The following EIF3H variants were observed in gnomAD, a reference collection of about 807,000 sequenced individuals.
EIF3H encodes the protein eIF-3-gamma.
EIF3H carries 26 observed loss-of-function variants against 44.2 expected under a neutral mutation model. The observed-to-expected ratio is 0.59, with a 90% CI of 0.43 to 0.82. EIF3H has a LOEUF of 0.82. EIF3H is among the 40% of genes least tolerant of loss of function. EIF3H has a pLI of 0.00. For missense variants in EIF3H, 359 were observed against 432.8 expected, an observed-to-expected ratio of 0.83 and a Z score of 1.51; for synonymous variants, 166 against 151.9, an observed-to-expected ratio of 1.09 and a Z score of -0.68.
intron 2 of EIF3H, among the ~76,000 whole-genome samples, chr8:116,719,438 G>A (rs1313785976): frequency 6.6e-6 from 1 of 152,054 alleles, no homozygotes; most frequent in African/African-American, 2.4e-5. Context: ...AGAGTGGAAA[G>A]GATAGAAGTA....
At chr8:116,669,721 A>C (rs1563637719) in intron 2 of EIF3H, among the ~76,000 whole-genome samples, 1 of 152,242 alleles carries the variant, frequency 6.6e-6, no homozygotes, top group Non-Finnish European at 1.5e-5. Context: ...ATTTTTGAAG[A>C]CTATCCTTAA....
At chr8:116,667,488 G>C (rs1411125617) in intron 2 of EIF3H, among the ~76,000 whole-genome samples, 2 of 151,466 alleles carry the variant, frequency 1.3e-5, no homozygotes, top group African/African-American at 4.9e-5. Flanking sequence ...AGATTAAGGG[G>C]CTAACAAAAT....
chr8:116,705,043 T>G (rs1238271626), intron 2 of EIF3H, among the ~76,000 whole-genome samples: 1 of 152,350 alleles, frequency 6.6e-6, no homozygotes, highest in South Asian at 2.1e-4. Context: ...CACTAACTGC[T>G]GTATCAAACA....
chr8:116,702,180 G>C (rs1255468828), intron 2 of EIF3H, among the ~76,000 whole-genome samples: 2 of 152,116 alleles, frequency 1.3e-5, no homozygotes, highest in Non-Finnish European at 2.9e-5. Context: ...ATGGGGAAGG[G>C]GGTAGAGAAA....
At chr8:116,669,723 T>C (rs1175266744) in intron 2 of EIF3H, among the ~76,000 whole-genome samples, 1 of 152,206 alleles carries the variant, frequency 6.6e-6, no homozygotes, top group Non-Finnish European at 1.5e-5. Flanking sequence ...TTTTGAAGAC[T>C]ATCCTTAACT....
chr8:116,709,582 G>A (rs1814537867), intron 2 of EIF3H, among the ~76,000 whole-genome samples: 1 of 152,174 alleles, frequency 6.6e-6, no homozygotes, highest in Non-Finnish European at 1.5e-5. Context: ...GATTCTGCTA[G>A]CCAGTCCTCT....
chr8:116,653,133 A>T (rs1337030586), intron 5 of EIF3H, among the ~76,000 whole-genome samples: 1 of 152,130 alleles, frequency 6.6e-6, no homozygotes, highest in African/African-American at 2.4e-5. Context: ...CTAGACCTTA[A>T]ATCTTGGAGG....
chr8:116,692,510 T>C (rs1412950349), intron 2 of EIF3H, among the ~76,000 whole-genome samples: 1 of 152,240 alleles, frequency 6.6e-6, no homozygotes, highest in African/African-American at 2.4e-5. Flanking sequence ...AATATTGTTT[T>C]AAAATCTAAC....
intron 1 of EIF3H, among the ~76,000 whole-genome samples, chr8:116,746,202 T>C (rs1815232070): frequency 6.6e-6 from 1 of 152,226 alleles, no homozygotes; most frequent in South Asian, 2.1e-4. Flanking sequence ...TGTTTTCTCA[T>C]ACATTTTAAA....
At chr8:116,664,511 T>G (rs1362109543) in intron 2 of EIF3H, among the ~76,000 whole-genome samples, 1 of 152,234 alleles carries the variant, frequency 6.6e-6, no homozygotes, top group Non-Finnish European at 1.5e-5. Flanking sequence ...TCACCTTCAA[T>G]TCTTCATCCT....
intron 1 of EIF3H, among the ~76,000 whole-genome samples, chr8:116,733,328 G>A (rs1395171939): frequency 1.3e-5 from 2 of 152,112 alleles, no homozygotes; most frequent in South Asian, 2.1e-4. Flanking sequence ...AGAGCTTAAC[G>A]GAGCTTCATC....
At chr8:116,666,753 C>CAAAAAAAAAAAAAAAAAAAAAAA (rs56700266) in intron 2 of EIF3H, among the ~76,000 whole-genome samples, 1 of 71,446 alleles carries the variant, frequency 1.4e-5, no homozygotes, top group African/African-American at 6.8e-5. Context: ...TAGTGTTAGG[C>CAAAAAAAAAAAAAAAAAAAAAAA]AAAAAAAAAA....
At chr8:116,758,058 C>T (rs573599950), upstream of EIF3H, among the ~76,000 whole-genome samples, 6 of 152,224 alleles carry the variant, frequency 3.9e-5, no homozygotes, top group South Asian at 1.2e-3. Context: ...TAAAGGAAAA[C>T]AATTGGATGA....
chr8:116,736,031 T>C (rs369741768), intron 1 of EIF3H, among the ~76,000 whole-genome samples: 2 of 152,298 alleles, frequency 1.3e-5, no homozygotes, highest in East Asian at 1.9e-4. Flanking sequence ...TGTATATCTA[T>C]TCTATGGAAT....
At chr8:116,651,114 A>G (rs1355154190) in intron 5 of EIF3H, among the ~76,000 whole-genome samples, 2 of 152,214 alleles carry the variant, frequency 1.3e-5, no homozygotes, top group Non-Finnish European at 1.5e-5. Context: ...AAAAATGACT[A>G]AAGTGTACAT....
intron 2 of EIF3H, among the ~76,000 whole-genome samples, chr8:116,687,356 A>G (rs1032328626): frequency 2.0e-5 from 3 of 152,202 alleles, no homozygotes; most frequent in Admixed American, 1.3e-4. Flanking sequence ...AAGAATCAAC[A>G]AAGTTTACAC....
intron 2 of EIF3H, among the ~76,000 whole-genome samples, chr8:116,675,777 A>C (rs938725156): frequency 1.3e-5 from 2 of 152,210 alleles, no homozygotes; most frequent in Non-Finnish European, 2.9e-5. Flanking sequence ...ACCAAAACAA[A>C]CTACCCTATT....
chr8:116,747,793 G>A (rs1815263493), intron 1 of EIF3H, among the ~76,000 whole-genome samples: 1 of 152,034 alleles, frequency 6.6e-6, no homozygotes, highest in South Asian at 2.1e-4. Context: ...TTACAAATTC[G>A]AAGTATTTGA....
chr8:116,763,785 T>C (rs908869849), intron 1 of EIF3H, among the ~76,000 whole-genome samples: 5 of 152,230 alleles, frequency 3.3e-5, no homozygotes, highest in Non-Finnish European at 5.9e-5. Flanking sequence ...ACAATAGATA[T>C]GTTAGCTAAA....
Sources: gnomAD v4.1 joint callset for allele counts (sites outside exome capture counted in the v4.1 genomes callset) on GRCh38, gnomAD v4.1.1 for gene constraint, MANE v1.5 for transcripts, NCBI Gene and HGNC (gene_info 2026-07-23, HGNC 2026-07-21) for gene names.